SLIT2: variants seen among roughly 807,000 people sequenced by gnomAD.
The protein encoded by SLIT2 is slit homolog 2 protein.
In SLIT2, 41 loss-of-function variants were observed where a neutral mutation model predicts 185.7. That is an observed-to-expected ratio of 0.22 (90% CI 0.17 to 0.29). The LOEUF (loss-of-function observed/expected upper bound fraction) is 0.29, where lower values mean the gene tolerates loss of function less well. SLIT2 is among the 10% of genes least tolerant of loss of function. The pLI is 1.00. For synonymous variants in SLIT2, 693 were observed against 680.2 expected (o/e 1.02, Z -0.29); for missense variants, 1,571 against 1,909.0 (o/e 0.82, Z 3.30).
intron 8 of SLIT2, chr4:20,490,794 G>C (rs7695303): frequency 3.3e-6 from 5 of 1,509,308 alleles, no homozygotes; most frequent in Non-Finnish European, 3.6e-6. Context: ...TTTCCTTTCT[G>C]TTTTCTAGAT....
chr4:20,395,024 A>T (rs968780973), intron 4 of SLIT2, among the ~76,000 whole-genome samples: 5 of 151,972 alleles, frequency 3.3e-5, no homozygotes, highest in Admixed American at 6.6e-5. Flanking sequence ...GGTAGAAATA[A>T]TTGCTTTTTA....
chr4:20,551,500 A>G (rs1226542953), intron 25 of SLIT2, among the ~76,000 whole-genome samples: 4 of 152,154 alleles, frequency 2.6e-5, no homozygotes, highest in African/African-American at 9.7e-5. Context: ...AAAATATGTG[A>G]TAAGTGTGGT....
At chr4:20,554,041 G>A (rs900231285) in intron 26 of SLIT2, 73 bp downstream of exon 26, 46 of 1,260,182 alleles carry the variant, frequency 3.7e-5, no homozygotes, top group Admixed American at 7.0e-5. Context: ...ACAACCAATT[G>A]TCAATCCAAA....
chr4:20,556,448 C>G (rs1347491679), intron 26 of SLIT2, among the ~76,000 whole-genome samples: 1 of 152,002 alleles, frequency 6.6e-6, no homozygotes, highest in African/African-American at 2.4e-5. Context: ...TAATTCCCTA[C>G]AGGTATTTCT....
chr4:20,619,166 G>GAA lies in SLIT2; in HGVS notation c.*169_*170dup, dbSNP rs202224128. The GAA allele has an allele frequency of 6.5e-4, 330 of 506,966 alleles. No homozygotes were observed. Among genetic ancestry groups the GAA allele is most frequent in the East Asian group, 8.3e-4 (21 of 25,160 alleles). 31.4% of individuals were successfully genotyped at this position (506,966 alleles called of 1,614,324 possible). On this transcript the variant is annotated 3_prime_UTR_variant, in exon 37 of 37. Coordinates refer to ENST00000504154, the MANE Select transcript of SLIT2 (RefSeq NM_004787.4). ...AATAAAGACTTTTTTTCTGCATTTG[G>GAA]AAAAAAAAAAAAAGAAATGCTTGAA...
At chr4:20,422,813 G>A (rs75004362) in intron 4 of SLIT2, among the ~76,000 whole-genome samples, 2,307 of 152,120 alleles carry the variant, frequency 0.015, 28 homozygotes, top group East Asian at 0.08. Context: ...GGAAAGAAGG[G>A]TGGAAAATGA....
intron 5 of SLIT2, among the ~76,000 whole-genome samples, chr4:20,472,397 G>T (rs539086287): frequency 7.6e-4 from 17 of 22,376 alleles, no homozygotes; most frequent in African/African-American, 1.1e-3. Context: ...TAGATATATA[G>T]ATATAGATAT....
chr4:20,404,607 G>C (rs994204391), intron 4 of SLIT2, among the ~76,000 whole-genome samples: 1 of 151,934 alleles, frequency 6.6e-6, no homozygotes, highest in East Asian at 1.9e-4. Flanking sequence ...GTGTGTGCTC[G>C]AAAAAGTTCA....
chr4:20,389,204 C>G (rs575276121), intron 4 of SLIT2, among the ~76,000 whole-genome samples: 1 of 151,274 alleles, frequency 6.6e-6, no homozygotes, highest in African/African-American at 2.4e-5. Context: ...ATTATCATCA[C>G]TAATATGTTA....
intron 11 of SLIT2, among the ~76,000 whole-genome samples, chr4:20,518,695 C>T (rs1177748060): frequency 8.0e-6 from 1 of 125,370 alleles, no homozygotes; most frequent in African/African-American, 3.0e-5. Context: ...AGCTCCGCCT[C>T]CCGGGTTCAC....
At chr4:20,476,583 AG>A (rs529064925) in intron 5 of SLIT2, among the ~76,000 whole-genome samples, 4 of 152,174 alleles carry the variant, frequency 2.6e-5, no homozygotes, top group Non-Finnish European at 5.9e-5. Flanking sequence ...TATATTGTTA[AG>A]CACATTTTAT....
chr4:20,589,302 T>A (rs1162553253), intron 29 of SLIT2, among the ~76,000 whole-genome samples: 1 of 152,152 alleles, frequency 6.6e-6, no homozygotes, highest in Non-Finnish European at 1.5e-5. Flanking sequence ...TTTGGGTCTA[T>A]GCTATATATC....
intron 4 of SLIT2, among the ~76,000 whole-genome samples, chr4:20,404,606 C>T (rs144199892): frequency 1.3e-4 from 19 of 151,916 alleles, no homozygotes; most frequent in South Asian, 4.2e-4. Flanking sequence ...GGTGTGTGCT[C>T]GAAAAAGTTC....
intron 4 of SLIT2, among the ~76,000 whole-genome samples, chr4:20,303,620 A>C (rs544130927): frequency 1.3e-5 from 2 of 152,272 alleles, no homozygotes; most frequent in East Asian, 3.9e-4. Context: ...GGTCTTGAGG[A>C]GCCCACGCTC....
intron 4 of SLIT2, among the ~76,000 whole-genome samples, chr4:20,297,757 AC>A (rs1716629207): frequency 1.3e-5 from 2 of 152,126 alleles, no homozygotes; most frequent in South Asian, 2.1e-4. Context: ...CCTTTTCTAG[AC>A]CATGAGGAAA....
At chr4:20,432,308 A>G (rs936328214) in intron 4 of SLIT2, among the ~76,000 whole-genome samples, 11 of 152,188 alleles carry the variant, frequency 7.2e-5, no homozygotes, top group Non-Finnish European at 1.6e-4. Context: ...CTTATGACTA[A>G]TAGGATTAGG....
At chr4:20,613,588 C>T (rs952862107) in intron 34 of SLIT2, among the ~76,000 whole-genome samples, 4 of 151,968 alleles carry the variant, frequency 2.6e-5, no homozygotes, top group South Asian at 4.2e-4. Flanking sequence ...TGAAATAGTC[C>T]GTACAACAAA....
At chr4:20,569,101 T>C in intron 29 of SLIT2, 97 bp downstream of exon 29, 1 of 1,027,236 alleles carries the variant, frequency 9.7e-7, no homozygotes, top group Non-Finnish European at 1.5e-6. Context: ...CTTTTTTTAT[T>C]TGATAAATGG....
At chr4:20,329,678 GA>G (rs1480085427) in intron 4 of SLIT2, among the ~76,000 whole-genome samples, 9 of 152,088 alleles carry the variant, frequency 5.9e-5, no homozygotes, top group Non-Finnish European at 1.2e-4. Flanking sequence ...GTTAGGCTTT[GA>G]ATCCTTGATA....
Sources: gnomAD v4.1 joint callset for allele counts (sites outside exome capture counted in the v4.1 genomes callset) on GRCh38, gnomAD v4.1.1 for gene constraint, MANE v1.5 for transcripts, NCBI Gene and HGNC (gene_info 2026-07-23, HGNC 2026-07-21) for gene names.